The following CLSTN2 variants were observed in gnomAD, a reference collection of about 807,000 sequenced individuals.
The protein encoded by CLSTN2 is calsyntenin 2.
A neutral mutation model predicts 101.2 loss-of-function variants in CLSTN2; 48 were observed. The ratio of observed to expected loss-of-function variants is 0.47; its 90% confidence interval spans 0.38 to 0.60. The LOEUF is 0.60. Among genes scored for constraint, CLSTN2 ranks in the 20% least tolerant of loss-of-function variants. CLSTN2 has a pLI of 0.00. For synonymous variants in CLSTN2, 481 were observed against 463.6 expected, an observed-to-expected ratio of 1.04 and a Z score of -0.48; for missense variants, 1,160 against 1,238.2, an observed-to-expected ratio of 0.94 and a Z score of 0.95.
chr3:140,500,051 A>T (rs1313957024), intron 8 of CLSTN2, among the ~76,000 whole-genome samples: 1 of 151,208 alleles, frequency 6.6e-6, no homozygotes, highest in Non-Finnish European at 1.5e-5. Flanking sequence ...TGGGTGACAG[A>T]GCGCGACTCC....
At chr3:140,444,430 C>A (rs1208056510) in intron 5 of CLSTN2, among the ~76,000 whole-genome samples, 21 of 143,274 alleles carry the variant, frequency 1.5e-4, no homozygotes, top group Admixed American at 1.4e-4. Context: ...AACTCCGTCT[C>A]AAAAAAAAAA....
intron 1 of CLSTN2, among the ~76,000 whole-genome samples, chr3:140,039,053 C>T (rs1333814674): frequency 6.6e-6 from 1 of 152,182 alleles, no homozygotes; most frequent in Non-Finnish European, 1.5e-5. Context: ...CCTTTCTTCT[C>T]TTAAGGGATG....
At chr3:140,419,293 G>C (rs1403382075) in intron 4 of CLSTN2, among the ~76,000 whole-genome samples, 2 of 149,750 alleles carry the variant, frequency 1.3e-5, no homozygotes, top group Non-Finnish European at 3.0e-5. Flanking sequence ...GACCAGCCTG[G>C]CCAACATGGC....
chr3:140,555,736 A>C (rs1480309385), intron 10 of CLSTN2, among the ~76,000 whole-genome samples: 1 of 152,194 alleles, frequency 6.6e-6, no homozygotes, highest in East Asian at 1.9e-4. Context: ...AGGGCAGTAC[A>C]AAGGCAGTTT....
intron 1 of CLSTN2, among the ~76,000 whole-genome samples, chr3:140,035,987 G>A (rs557902091): frequency 6.6e-6 from 1 of 152,322 alleles, no homozygotes; most frequent in East Asian, 1.9e-4. Context: ...CAGGGAGCCA[G>A]GGCTCCCTGT....
intron 2 of CLSTN2, among the ~76,000 whole-genome samples, chr3:140,361,658 A>C (rs138791443): frequency 2.6e-5 from 4 of 152,328 alleles, no homozygotes; most frequent in Admixed American, 2.6e-4. Context: ...AATGTTAAAA[A>C]GCAGTTATAT....
intron 2 of CLSTN2, among the ~76,000 whole-genome samples, chr3:140,289,273 G>C (rs906634889): frequency 6.6e-6 from 1 of 151,860 alleles, no homozygotes; most frequent in Non-Finnish European, 1.5e-5. Flanking sequence ...AAAAGTGGAG[G>C]TGCTGGGATT....
rs144876244 is a variant in CLSTN2 at position 140,249,462 on chromosome 3, G to A, written c.232+73389G>A. ...GGAGGAAATGACAAGGCAAGGTTGG[G>A]GCAGGTCATGGTTATAGATTCTGGT... is the stretch of plus-strand genomic sequence containing the variant. On this transcript the variant is annotated intron_variant, in intron 2 of 16. Transcript: ENST00000458420. 1.7e-4 allele frequency among the ~76,000 whole-genome samples: 26 copies of A among 152,250 alleles called. No homozygotes were observed. The East Asian group carries it at 4.4e-3, about 26-fold the overall frequency.
At chr3:140,244,655 G>T (rs1260616143) in intron 2 of CLSTN2, among the ~76,000 whole-genome samples, 1 of 152,034 alleles carries the variant, frequency 6.6e-6, no homozygotes, top group Non-Finnish European at 1.5e-5. Flanking sequence ...TAAGAAAATG[G>T]CCTCTCTCCA....
chr3:140,008,962 A>G (rs550411622), intron 1 of CLSTN2, among the ~76,000 whole-genome samples: 22 of 152,362 alleles, frequency 1.4e-4, no homozygotes, highest in African/African-American at 5.3e-4. Context: ...GAATACAAAG[A>G]CTTTTTAAAT....
chr3:140,506,454 C>A (rs1355081206), intron 8 of CLSTN2, among the ~76,000 whole-genome samples: 1 of 152,184 alleles, frequency 6.6e-6, no homozygotes, highest in East Asian at 1.9e-4. Context: ...TTCAAGCCCT[C>A]CCCTCACCTT....
intron 1 of CLSTN2, among the ~76,000 whole-genome samples, chr3:140,006,730 T>C (rs1466334449): frequency 6.6e-6 from 1 of 152,188 alleles, no homozygotes; most frequent in African/African-American, 2.4e-5. Context: ...AATTAAAACA[T>C]TCCTCACTAC....
intron 4 of CLSTN2, among the ~76,000 whole-genome samples, chr3:140,409,026 A>G (rs2088334925): frequency 1.3e-5 from 2 of 152,322 alleles, no homozygotes; most frequent in Middle Eastern, 6.8e-3. Flanking sequence ...AGCTGCATGC[A>G]TGTACACTTC....
chr3:140,180,590 C>T (rs1312164629), intron 2 of CLSTN2, among the ~76,000 whole-genome samples: 4 of 152,284 alleles, frequency 2.6e-5, no homozygotes, highest in East Asian at 1.9e-4. Context: ...TGTGCCCCAC[C>T]GAGGTCTGTT....
At chr3:140,484,252 G>C (rs1366125780) in intron 8 of CLSTN2, among the ~76,000 whole-genome samples, 1 of 152,148 alleles carries the variant, frequency 6.6e-6, no homozygotes, top group African/African-American at 2.4e-5. Context: ...TGAAATTCTG[G>C]GTTGAAAATT....
intron 8 of CLSTN2, among the ~76,000 whole-genome samples, chr3:140,511,963 C>A (rs1158525847): frequency 1.3e-5 from 2 of 151,564 alleles, no homozygotes; most frequent in African/African-American, 2.4e-5. Context: ...CTGTTCATGT[C>A]CTTTGCCCAT....
intron 4 of CLSTN2, among the ~76,000 whole-genome samples, chr3:140,406,653 A>G (rs2088305833): frequency 6.6e-6 from 1 of 152,212 alleles, no homozygotes; most frequent in African/African-American, 2.4e-5. Flanking sequence ...ACTCCATAAA[A>G]TATTGAACAA....
rs112161594 is a variant in CLSTN2 at position 140,365,405 on chromosome 3, G to C, written c.233-38224G>C. Among the ~76,000 whole-genome samples, 1,476 of 152,138 alleles carry C rather than the reference G, an allele frequency of 9.7e-3. 14 individuals are homozygous for C. Among genetic ancestry groups the C allele is most frequent in the Non-Finnish European group, 0.014 (939 of 67,978 alleles). On this transcript the variant is annotated intron_variant, in intron 2 of 16. Transcript: ENST00000458420. ...ATTTTTCAAGGAGACCCACTACAGG[G>C]CCCAAAGCAAAGAATTCTTAGTATC...
intron 1 of CLSTN2, among the ~76,000 whole-genome samples, chr3:139,992,912 T>G (rs1936140146): frequency 6.6e-6 from 1 of 152,182 alleles, no homozygotes; most frequent in Admixed American, 6.5e-5. Flanking sequence ...CACTTAAGAG[T>G]GTACTCATGC....
Sources: gnomAD v4.1 joint callset for allele counts (sites outside exome capture counted in the v4.1 genomes callset) on GRCh38, gnomAD v4.1.1 for gene constraint, MANE v1.5 for transcripts, NCBI Gene and HGNC (gene_info 2026-07-23, HGNC 2026-07-21) for gene names.